Variants in AVPR1B observed in about 807,000 individuals in gnomAD.
The protein encoded by AVPR1B is arginine vasopressin receptor 1B.
Under a neutral mutation model 27.5 loss-of-function variants are expected in AVPR1B, and 25 were observed. The observed-to-expected ratio is 0.91, with a 90% confidence interval of 0.66 to 1.27. The LOEUF (loss-of-function observed/expected upper bound fraction) is 1.27. Among genes scored for constraint, AVPR1B ranks in the 50% most tolerant of loss-of-function variants. The probability of loss-of-function intolerance (pLI) is 0.00; values close to 1 mark genes in which losing one functional copy is unlikely to be tolerated. For synonymous variants in AVPR1B, 248 were observed against 240.2 expected (o/e 1.03, Z -0.30); for missense variants, 595 against 556.9 (o/e 1.07, Z -0.69).
In AVPR1B at chr1:206,108,254, G is replaced by A. The variant is rs1663310910; in HGVS notation, c.*1935C>T. 6.6e-6 allele frequency among the ~76,000 whole-genome samples: 1 copy of A among 152,230 alleles called. No homozygotes were observed. Among genetic ancestry groups the A allele is most frequent in the African/African-American group, 2.4e-5 (1 of 41,460 alleles). On this transcript the variant is annotated 3_prime_UTR_variant, in exon 2 of 2. Coordinates refer to ENST00000367126, the MANE Select transcript of AVPR1B (RefSeq NM_000707.5). ...GAAGAAGTATTAGATGTCAGGGGCTGACATGGGCAACAGAACTCAGTGAGA... is the reference window on the plus strand; with the variant it reads ...GAAGAAGTATTAGATGTCAGGGGCTAACATGGGCAACAGAACTCAGTGAGA...
Position 206,107,779 on chromosome 1 carries a change from T to A in AVPR1B, c.*2410A>T, listed in dbSNP as rs1663303529. 6.6e-6 allele frequency among the ~76,000 whole-genome samples: 1 copy of A among 152,224 alleles called. No individual in the cohort carries two copies. The highest frequency in any genetic ancestry group is 1.5e-5 in the Non-Finnish European group (1 of 68,022). ...TTCCTCTCTGAACTGTAGACTCTTT[T>A]GGGTCAGGACCCTGGAGGTCATCTA... On this transcript the variant is annotated 3_prime_UTR_variant, in exon 2 of 2. Coordinates refer to ENST00000367126, the MANE Select transcript of AVPR1B (RefSeq NM_000707.5).
chr1:206,115,814 A>G, intron 1 of AVPR1B, 137 bp downstream of exon 1: 3 of 775,642 alleles, frequency 3.9e-6, no homozygotes, highest in South Asian at 4.6e-5. Context: ...TTTCACTTGG[A>G]GCAGGCACCA....
chr1:206,108,958 C>A lies in AVPR1B; in HGVS notation c.*1231G>T, dbSNP rs1309779486. ...GGACCCACCGTCACCAGAATTGAGT[C>A]AAAGAGTATATCAATGCCATTGTCA... On this transcript the variant is annotated 3_prime_UTR_variant, in exon 2 of 2. Coordinates refer to ENST00000367126, the MANE Select transcript of AVPR1B (RefSeq NM_000707.5). Among the ~76,000 whole-genome samples the A allele has an allele frequency of 6.6e-6, 1 of 152,250 alleles. No homozygotes were observed. The highest frequency in any genetic ancestry group is 1.5e-5 in the Non-Finnish European group (1 of 68,052).
rs1379863037 is a variant in AVPR1B at position 206,108,120 on chromosome 1, G to C, written c.*2069C>G. 6.6e-6 allele frequency among the ~76,000 whole-genome samples: 1 copy of C among 152,130 alleles called. No homozygotes were observed. The highest frequency in any genetic ancestry group is 1.5e-5 in the Non-Finnish European group (1 of 68,030). Reference sequence around the variant, plus strand: ...GTCAGAAACTGTGGTCTAAAGATGGGGCAAGGGGGTGGGGAGGCCGCTTTT... The same window carrying C: ...GTCAGAAACTGTGGTCTAAAGATGGCGCAAGGGGGTGGGGAGGCCGCTTTT... On this transcript the variant is annotated 3_prime_UTR_variant, in exon 2 of 2. Coordinates refer to ENST00000367126, the MANE Select transcript of AVPR1B (RefSeq NM_000707.5).
Position 206,116,096 on chromosome 1 carries a change from C to A in AVPR1B, c.795G>T (p.Arg265=). 1 of 1,614,212 alleles carries A rather than the reference C, an allele frequency of 6.2e-7. No individual in the cohort carries two copies. The highest frequency in any genetic ancestry group is 8.5e-7 in the Non-Finnish European group (1 of 1,180,048). The change falls in exon 1 of 2, where the codon CGG becomes CGT. Residue 265 remains arginine, a synonymous_variant. Transcript: ENST00000367126. ...LAATTRGLPS[R]VSSINTISRA... Reference sequence around the variant, plus strand: ...GTGAGATGGTGTTGATGCTGCTGACCCGAGATGGCAGCCCCCGAGTGGTGG... The same window carrying A: ...GTGAGATGGTGTTGATGCTGCTGACACGAGATGGCAGCCCCCGAGTGGTGG...
chr1:206,114,759 T>C (rs535466905), intron 1 of AVPR1B, among the ~76,000 whole-genome samples: 74 of 152,338 alleles, frequency 4.9e-4, no homozygotes, highest in Admixed American at 8.5e-4. Flanking sequence ...ACAGAAGACC[T>C]GGGCTTTATT....
chr1:206,111,792 G>C (rs1321584164), intron 1 of AVPR1B, among the ~76,000 whole-genome samples: 2 of 152,200 alleles, frequency 1.3e-5, no homozygotes, highest in Admixed American at 1.3e-4. Context: ...TAGAGAACAT[G>C]AGTCATAGGA....
chr1:206,117,028 A>G lies in AVPR1B; in HGVS notation c.-138T>C. 1 of 839,490 alleles carries G rather than the reference A, an allele frequency of 1.2e-6. No homozygotes were observed. Among genetic ancestry groups the G allele is most frequent in the Non-Finnish European group, 1.9e-6 (1 of 517,374 alleles). The allele number at this position is 839,490 out of a possible 1,614,324, so 52.0% of individuals were successfully genotyped here. On this transcript the variant is annotated 5_prime_UTR_variant, in exon 1 of 2. Coordinates refer to ENST00000367126, the MANE Select transcript of AVPR1B (RefSeq NM_000707.5). ...AATGACAGGGAGAAGGCTTGCAAAT[A>G]GGCGGAAATCGTTCAGAGGACTGGG...
Position 206,110,052 on chromosome 1 carries a change from C to T in AVPR1B, c.*137G>A. 9.7e-7 allele frequency: 1 copy of T among 1,026,378 alleles called. No individual in the cohort carries two copies. Among genetic ancestry groups the T allele is most frequent in the East Asian group, 2.6e-5 (1 of 37,890 alleles). 63.6% of individuals were successfully genotyped at this position (1,026,378 alleles called of 1,614,324 possible). On this transcript the variant is annotated 3_prime_UTR_variant, in exon 2 of 2. Transcript: ENST00000367126. Reference sequence around the variant, plus strand: ...GTGACACCAGGGTAGGGGACCCATTCTGGCCTTTTCGCTCCGCTTTAGACA... The same window carrying T: ...GTGACACCAGGGTAGGGGACCCATTTTGGCCTTTTCGCTCCGCTTTAGACA...
At chr1:206,112,455 G>T (rs114272087) in intron 1 of AVPR1B, among the ~76,000 whole-genome samples, 10 of 152,136 alleles carry the variant, frequency 6.6e-5, no homozygotes, top group African/African-American at 2.2e-4. Context: ...TGAGGCCCTC[G>T]CTAGAAGCAG....
chr1:206,115,096 A>G (rs1553290303), intron 1 of AVPR1B, among the ~76,000 whole-genome samples: 1 of 152,252 alleles, frequency 6.6e-6, no homozygotes, highest in African/African-American at 2.4e-5. Flanking sequence ...AAGCTCATGC[A>G]TAGGTACTGC....
Position 206,107,088 on chromosome 1 carries a change from T to C in AVPR1B, c.*3101A>G, listed in dbSNP as rs1378722779. Among the ~76,000 whole-genome samples, 1 of 152,250 alleles carries C rather than the reference T, an allele frequency of 6.6e-6. No homozygotes were observed. Among genetic ancestry groups the C allele is most frequent in the Admixed American group, 6.5e-5 (1 of 15,290 alleles). On this transcript the variant is annotated 3_prime_UTR_variant, in exon 2 of 2. Coordinates refer to ENST00000367126, the MANE Select transcript of AVPR1B (RefSeq NM_000707.5). ...ACAGACACATTATCTGGGAAAGTAC[T>C]GGCCTGTGCCAAACAACATAACGAT...
Position 206,110,460 on chromosome 1 carries a change from G to A in AVPR1B, c.1004C>T (p.Pro335Leu). ...LLGNLNSCCNPWIYMGFNSHL... is the reference protein window; with the variant it reads ...LLGNLNSCCNLWIYMGFNSHL... The stretch of plus-strand genomic sequence containing the variant: ...GCTGTTGAAGCCCATGTAGATCCAG[G>A]GGTTGCAGCAGCTGTTGAGGTTGCC... Residue 335 changes from proline to leucine, a missense_variant, in exon 2 of 2, where the codon CCC becomes CTC. Physicochemically the swap from Pro to Leu is moderately conservative, Grantham distance 98. Coordinates refer to ENST00000367126, the MANE Select transcript of AVPR1B (RefSeq NM_000707.5). 1 of 1,614,068 alleles carries A rather than the reference G, an allele frequency of 6.2e-7. No individual in the cohort carries two copies. The highest frequency in any genetic ancestry group is 8.5e-7 in the Non-Finnish European group (1 of 1,179,964).
chr1:206,110,547 G>C, intron 1 of AVPR1B, 24 bp from the exon 2 acceptor site: 1 of 1,575,690 alleles, frequency 6.3e-7, no homozygotes, highest in African/African-American at 1.3e-5. Flanking sequence ...AGCATGAGAA[G>C]CCTCAGAATG....
At position 206,109,821 on chromosome 1, in the gene AVPR1B, C is replaced by T. The variant is rs879985636; in HGVS notation, c.*368G>A. On this transcript the variant is annotated 3_prime_UTR_variant, in exon 2 of 2. Transcript: ENST00000367126. Reference sequence around the variant, plus strand: ...GTCAGGTTAGAATGGAGACAGGTAGCCAGGGCACAAGGCCAGCCTCTGAAT... The same window carrying T: ...GTCAGGTTAGAATGGAGACAGGTAGTCAGGGCACAAGGCCAGCCTCTGAAT... 4 of 204,148 alleles carry T rather than the reference C, an allele frequency of 2.0e-5. No homozygotes were observed. The highest frequency in any genetic ancestry group is 3.9e-5 in the Non-Finnish European group (4 of 102,528). 12.6% of individuals were successfully genotyped at this position (204,148 alleles called of 1,614,324 possible). A position where few individuals can be genotyped will look rare whatever the true frequency, so the allele number is the denominator to read the frequency against.
Position 206,112,992 on chromosome 1 carries a change from G to A in AVPR1B, c.941-2469C>T, listed in dbSNP as rs141756992. Among the ~76,000 whole-genome samples, 1,132 of 152,258 alleles carry A rather than the reference G, an allele frequency of 7.4e-3. 8 individuals carry two copies. The highest frequency in any genetic ancestry group is 0.034 in the Middle Eastern group (10 of 294). On this transcript the variant is annotated intron_variant, in intron 1 of 1. Coordinates refer to ENST00000367126, the MANE Select transcript of AVPR1B (RefSeq NM_000707.5). ...TAGTTAATGTGTAACTACAAGTTGC[G>A]GAAGATTTGGGAAGTGGCTTTGGCT...
Position 206,116,115 on chromosome 1 carries a change from G to A in AVPR1B, c.776C>T (p.Thr259Ile). 2 of 1,614,132 alleles carry A rather than the reference G, an allele frequency of 1.2e-6. No individual in the cohort carries two copies. The highest frequency in any genetic ancestry group is 1.7e-6 in the Non-Finnish European group (2 of 1,180,030). ...GCTGACCCGAGATGGCAGCCCCCGA[G>A]TGGTGGCAGCTAAGGTGGAAGGTGA... is the stretch of plus-strand genomic sequence containing the variant. ...RPSPSTLAAT[T>I]RGLPSRVSSI... Residue 259 changes from threonine to isoleucine, a missense_variant, in exon 1 of 2, where the codon ACT (threonine) becomes ATT (isoleucine). By Grantham distance (89) the Thr-to-Ile change is moderately conservative (BLOSUM62 -1). Coordinates refer to ENST00000367126, the MANE Select transcript of AVPR1B (RefSeq NM_000707.5).
At position 206,110,182 on chromosome 1, in the gene AVPR1B, G is replaced by A; in HGVS notation, c.*7C>T. On this transcript the variant is annotated 3_prime_UTR_variant, in exon 2 of 2. Coordinates refer to ENST00000367126, the MANE Select transcript of AVPR1B (RefSeq NM_000707.5). Reference sequence around the variant, plus strand: ...TGGGGGCAGTACCAGACCCCAGCGAGTCTTTCCTAAAAGATGATGGTCTCA... The same window carrying A: ...TGGGGGCAGTACCAGACCCCAGCGAATCTTTCCTAAAAGATGATGGTCTCA... The A allele has an allele frequency of 1.3e-6, 2 of 1,599,768 alleles. No homozygotes were observed. Among genetic ancestry groups the A allele is most frequent in the Non-Finnish European group, 8.5e-7 (1 of 1,170,160 alleles).
At position 206,116,137 on chromosome 1, in the gene AVPR1B, G is replaced by C; in HGVS notation, c.754C>G (p.Pro252Ala). The C allele has an allele frequency of 2.5e-6, 4 of 1,614,124 alleles. No individual in the cohort carries two copies. The highest frequency in any genetic ancestry group is 3.4e-6 in the Non-Finnish European group (4 of 1,179,990). ...CGAGTGGTGGCAGCTAAGGTGGAAGGTGAGGGCCTGTCCCAAGTCCTCCAG... is the reference window on the plus strand; with the variant it reads ...CGAGTGGTGGCAGCTAAGGTGGAAGCTGAGGGCCTGTCCCAAGTCCTCCAG... ...GGWRTWDRPS[P>A]STLAATTRGL... Residue 252 changes from proline to alanine, a missense_variant, in exon 1 of 2, where the codon CCT becomes GCT. Transcript: ENST00000367126.
Sources: gnomAD v4.1 joint callset for allele counts (sites outside exome capture counted in the v4.1 genomes callset) on GRCh38, gnomAD v4.1.1 for gene constraint, MANE v1.5 for transcripts, NCBI Gene and HGNC (gene_info 2026-07-23, HGNC 2026-07-21) for gene names.